The following MYH4 variants were observed in gnomAD, a reference collection of about 807,000 sequenced individuals.
The protein encoded by MYH4 is myosin heavy chain 4.
A neutral mutation model predicts 229.9 loss-of-function variants in MYH4; 200 were observed. That is an observed-to-expected ratio of 0.87 (90% CI 0.78 to 0.98). The LOEUF is 0.98. MYH4 is among the 50% of genes least tolerant of loss of function. The pLI, the probability that MYH4 is intolerant of heterozygous loss-of-function variation, is 0.00. For missense variants in MYH4, 2,148 were observed against 2,332.6 expected, an observed-to-expected ratio of 0.92 and a Z score of 1.63; for synonymous variants, 761 against 834.6, an observed-to-expected ratio of 0.91 and a Z score of 1.52.
Position 10,459,990 on chromosome 17 carries a change from T to A in MYH4, c.1378A>T (p.Ile460Phe). ...AAGCCAGCAATGTCCAAGACCCCGA[T>A]GAAGTACTGCCTGGGCTGCTTGGTG... ...LDTKQPRQYF[I>F]GVLDIAGFEI... Residue 460 changes from isoleucine to phenylalanine, a missense_variant, in exon 14 of 40, where the codon ATC (isoleucine) becomes TTC (phenylalanine). Transcript: ENST00000255381. 2.5e-6 allele frequency: 4 copies of A among 1,614,082 alleles called. No individual in the cohort carries two copies. The highest frequency in any genetic ancestry group is 3.4e-6 in the Non-Finnish European group (4 of 1,179,948).
In MYH4 at chr17:10,466,768, T is replaced by C. The variant is rs775190955; in HGVS notation, c.-23A>G. ...CATGGCTGCAGGTTATTGATGGCAGTACTGGACTAGGTATACCTAGAGGAA... is the reference window on the plus strand; with the variant it reads ...CATGGCTGCAGGTTATTGATGGCAGCACTGGACTAGGTATACCTAGAGGAA... On this transcript the variant is annotated 5_prime_UTR_variant, in exon 3 of 40. Coordinates refer to ENST00000255381, the MANE Select transcript of MYH4 (RefSeq NM_017533.2). 1.2e-6 allele frequency: 2 copies of C among 1,613,784 alleles called. No individual in the cohort carries two copies. Among genetic ancestry groups the C allele is most frequent in the Non-Finnish European group, 1.7e-6 (2 of 1,179,654 alleles).
rs1597412682 is a variant in MYH4 at position 10,443,584 on chromosome 17, T to C, written c.5668-57A>G. On this transcript the variant is annotated intron_variant, in intron 39 of 39. Transcript: ENST00000255381. The surrounding 1 kb of genome is among the most constrained non-coding windows in gnomAD (Gnocchi z 4.6). ...AAAATTGGACATTTCCTGATTGTTA[T>C]TGCTTTTGTTACTTCAGGATTTGCC... The C allele has an allele frequency of 7.1e-6, 11 of 1,546,774 alleles. No individual in the cohort carries two copies. The East Asian group carries it at 1.8e-4, about 25-fold the overall frequency.
At chr17:10,463,668 C>A in intron 7 of MYH4, 25 bp from the exon 8 acceptor site, 1 of 1,546,498 alleles carries the variant, frequency 6.5e-7, no homozygotes, top group South Asian at 1.2e-5. Flanking sequence ...ATAAGACAGA[C>A]AAAGAAAAAA....
At position 10,443,574 on chromosome 17, in the gene MYH4, C is replaced by G. The variant is rs1343134576; in HGVS notation, c.5668-47G>C. ...AGATAACAAGAAAATTGGACATTTC[C>G]TGATTGTTATTGCTTTTGTTACTTC... On this transcript the variant is annotated intron_variant, in intron 39 of 39. Coordinates refer to ENST00000255381, the MANE Select transcript of MYH4 (RefSeq NM_017533.2). The surrounding 1 kb of genome is among the most constrained non-coding windows in gnomAD (Gnocchi z 4.6). The G allele has an allele frequency of 1.9e-6, 3 of 1,569,772 alleles. No homozygotes were observed. The highest frequency in any genetic ancestry group is 2.6e-6 in the Non-Finnish European group (3 of 1,151,260).
At position 10,461,057 on chromosome 17, in the gene MYH4, G is replaced by C. The variant is rs1167393946; in HGVS notation, c.1009-3C>G. On this transcript the variant is annotated splice_region_variant and splice_polypyrimidine_tract_variant and intron_variant, in intron 11 of 39. Coordinates refer to ENST00000255381, the MANE Select transcript of MYH4 (RefSeq NM_017533.2). ...AAACCCAGGATGTCCACAGCACTCT[G>C]TCAAAAGAGTTGAATTTGCTCATCC... The C allele has an allele frequency of 6.2e-7, 1 of 1,613,818 alleles. No individual in the cohort carries two copies. Among genetic ancestry groups the C allele is most frequent in the Admixed American group, 1.7e-5 (1 of 60,004 alleles).
Position 10,457,595 on chromosome 17 carries a change from G to A in MYH4, c.1722C>T (p.Gly574=). Residue 574 remains glycine, a synonymous_variant, in exon 16 of 40, where the codon GGC becomes GGT. Coordinates refer to ENST00000255381, the MANE Select transcript of MYH4 (RefSeq NM_017533.2). The stretch of plus-strand genomic sequence containing the variant: ...CCAGTGAGAAGTGAGCCTCAGGCTT[G>A]CCTTTGGCAGGCTTGGGCTTCTGGA... The part of the protein sequence containing the change: ...NNFQKPKPAK[G]KPEAHFSLVH... 2.5e-6 allele frequency: 4 copies of A among 1,614,208 alleles called. No individual in the cohort carries two copies. The highest frequency in any genetic ancestry group is 3.4e-6 in the Non-Finnish European group (4 of 1,180,042).
Position 10,466,533 on chromosome 17 carries a change from T to C in MYH4, c.204+9A>G. On this transcript the variant is annotated intron_variant, in intron 3 of 39. Coordinates refer to ENST00000255381, the MANE Select transcript of MYH4 (RefSeq NM_017533.2). ...CAGAGTCTAATTAGCTCCAGGTGTT[T>C]TTACTCACAGCTCCAGCTTCGGTCT... The C allele has an allele frequency of 5.0e-6, 8 of 1,614,048 alleles. No homozygotes were observed. Among genetic ancestry groups the C allele is most frequent in the East Asian group, 2.2e-5 (1 of 44,884 alleles).
intron 30 of MYH4, 131 bp from the exon 31 acceptor site, chr17:10,449,178 T>C (rs2142212852): frequency 4.1e-6 from 3 of 737,088 alleles, no homozygotes; most frequent in African/African-American, 1.8e-5. Flanking sequence ...TTCTAAACAT[T>C]TTCACTCTCT....
At chr17:10,449,521 G>A (rs1389573264) in intron 30 of MYH4, among the ~76,000 whole-genome samples, 3 of 152,138 alleles carry the variant, frequency 2.0e-5, no homozygotes, top group African/African-American at 4.8e-5. Flanking sequence ...TTACTTTGAG[G>A]AAGAAATGGC....
At chr17:10,460,800 C>T (rs1002024874) in intron 12 of MYH4, 116 bp downstream of exon 12, 4 of 1,054,178 alleles carry the variant, frequency 3.8e-6, no homozygotes, top group Admixed American at 2.2e-5. Flanking sequence ...ATTTCCTTCT[C>T]GTAATACTTT....
intron 30 of MYH4, among the ~76,000 whole-genome samples, chr17:10,449,304 G>A (rs1244065950): frequency 2.6e-5 from 4 of 152,178 alleles, no homozygotes; most frequent in East Asian, 3.9e-4. Context: ...GAGAATATAA[G>A]TTAGCACTAG....
chr17:10,447,700 A>C, intron 34 of MYH4, 118 bp downstream of exon 34: 1 of 1,038,326 alleles, frequency 9.6e-7, no homozygotes, highest in Non-Finnish European at 1.4e-6. Flanking sequence ...TTGAACTTTG[A>C]ACTGATTACC....
rs1341777727 is a variant in MYH4, at chr17:10,451,347, C to G, written c.3844G>C (p.Ala1282Pro). 2 of 1,613,910 alleles carry G rather than the reference C, an allele frequency of 1.2e-6. No individual in the cohort carries two copies. Among genetic ancestry groups the G allele is most frequent in the Non-Finnish European group, 8.5e-7 (1 of 1,179,968 alleles). The change falls in exon 28 of 40, where the codon GCA (alanine) becomes CCA (proline). Residue 1282 changes from alanine (A) to proline (P), a missense_variant. Transcript: ENST00000255381. ...RLINELSAQK[A>P]RLHTESGEFS... ...TGACCTGATTCTGTGTGTAAACGTG[C>G]CTTCTGGGCTGACAACTCATTTATT...
chr17:10,454,858 G>A, intron 21 of MYH4, 48 bp from the exon 22 acceptor site: 2 of 1,610,032 alleles, frequency 1.2e-6, no homozygotes, highest in Non-Finnish European at 1.7e-6. Context: ...TGTGGAAAGT[G>A]ATCATCACTC....
At chr17:10,444,095 G>T (rs970852937) in intron 39 of MYH4, among the ~76,000 whole-genome samples, 4 of 152,114 alleles carry the variant, frequency 2.6e-5, no homozygotes, top group Non-Finnish European at 4.4e-5. Flanking sequence ...GAAGAACAAA[G>T]TAGCAGGGAT....
At chr17:10,468,809 C>T (rs1438959708) in intron 2 of MYH4, among the ~76,000 whole-genome samples, 3 of 152,256 alleles carry the variant, frequency 2.0e-5, no homozygotes, top group Non-Finnish European at 4.4e-5. Context: ...TGATAAGTGG[C>T]GGTACTGGGA....
chr17:10,458,072 C>T (rs1205081676), intron 15 of MYH4, among the ~76,000 whole-genome samples: 3 of 152,146 alleles, frequency 2.0e-5, no homozygotes, highest in African/African-American at 2.4e-5. Context: ...TCCTTTACCT[C>T]GAATCTAGAG....
intron 20 of MYH4, 47 bp from the exon 21 acceptor site, chr17:10,455,124 T>C: frequency 6.2e-7 from 1 of 1,614,050 alleles, no homozygotes. Flanking sequence ...TACAGGAAAG[T>C]CTAAAAGTGA....
At position 10,448,720 on chromosome 17, in the gene MYH4, CCTT is replaced by C; in HGVS notation, c.4426_4428del (p.Lys1476del). 6 of 1,614,144 alleles carry C rather than the reference CCTT, an allele frequency of 3.7e-6. No individual in the cohort carries two copies. The highest frequency in any genetic ancestry group is 3.3e-5 in the South Asian group (3 of 91,086). On this transcript the variant is annotated inframe_deletion, in exon 32 of 40. Transcript: ENST00000255381. ...AGCTCAGTGCTGAGAGAACGCGACTCCTTCTGGGAGGCCTCAAGTTCAGCCTGA... is the reference window on the plus strand; with the variant it reads ...AGCTCAGTGCTGAGAGAACGCGACTCCTGGGAGGCCTCAAGTTCAGCCTGA...
Sources: allele counts gnomAD v4.1 joint callset (sites outside exome capture counted in the v4.1 genomes callset), GRCh38; gene constraint gnomAD v4.1.1; non-coding constraint Gnocchi (gnomAD v3.1); transcripts MANE v1.5; gene names NCBI Gene and HGNC (gene_info 2026-07-23, HGNC 2026-07-21).